The following PTPRD variants were observed in gnomAD, a reference collection of about 807,000 sequenced individuals.
The protein encoded by PTPRD is receptor-type tyrosine-protein phosphatase delta.
Under a neutral mutation model 214.5 loss-of-function variants are expected in PTPRD, and 34 were observed. That is an observed-to-expected ratio of 0.16 (90% CI 0.12 to 0.21). The LOEUF (loss-of-function observed/expected upper bound fraction) is 0.21, where lower values mean the gene tolerates loss of function less well. Among genes scored for constraint, PTPRD ranks in the 10% least tolerant of loss-of-function variants. The pLI, the probability that PTPRD is intolerant of heterozygous loss-of-function variation, is 1.00. For missense variants in PTPRD, 2,545 were observed against 2,398.7 expected, an observed-to-expected ratio of 1.06 and a Z score of -1.27; for synonymous variants, 1,128 against 845.7, an observed-to-expected ratio of 1.33 and a Z score of -5.79.
intron 11 of PTPRD, among the ~76,000 whole-genome samples, chr9:8,781,994 C>A (rs62528837): frequency 2.0e-5 from 3 of 148,468 alleles, no homozygotes; most frequent in African/African-American, 7.4e-5. Context: ...ATTTTTCAAA[C>A]GGACAAAAAC....
chr9:9,527,605 G>A (rs1463271467), intron 8 of PTPRD, among the ~76,000 whole-genome samples: 1 of 152,098 alleles, frequency 6.6e-6, no homozygotes, highest in Non-Finnish European at 1.5e-5. Context: ...TTTTTGTCCA[G>A]CATGATTCTC....
At chr9:8,956,079 C>G (rs1428434730) in intron 11 of PTPRD, among the ~76,000 whole-genome samples, 2 of 151,836 alleles carry the variant, frequency 1.3e-5, no homozygotes, top group Non-Finnish European at 2.9e-5. Context: ...TGGTGGAAAT[C>G]CTATACAAAT....
At chr9:8,770,378 A>G (rs1002136699) in intron 11 of PTPRD, among the ~76,000 whole-genome samples, 2 of 152,162 alleles carry the variant, frequency 1.3e-5, no homozygotes, top group African/African-American at 4.8e-5. Flanking sequence ...CTATTCTAAT[A>G]CAATCAAATA....
At chr9:9,520,552 T>C (rs2096944273) in intron 8 of PTPRD, among the ~76,000 whole-genome samples, 1 of 152,144 alleles carries the variant, frequency 6.6e-6, no homozygotes, top group South Asian at 2.1e-4. Flanking sequence ...CTGTTTAACA[T>C]TTTATGCTCG....
rs1032384402 is a variant in PTPRD, at chr9:8,733,707, G to A, written c.64+73C>T. The A allele has an allele frequency of 6.8e-6, 10 of 1,461,482 alleles. No individual in the cohort carries two copies. The African/African-American group carries it at 9.8e-5, about 14-fold the overall frequency. 90.5% of individuals were successfully genotyped at this position (1,461,482 alleles called of 1,614,324 possible). On this transcript the variant is annotated intron_variant, in intron 12 of 45. Coordinates refer to ENST00000381196, the MANE Select transcript of PTPRD (RefSeq NM_002839.4). The stretch of plus-strand genomic sequence containing the variant: ...CAAAGGAAATGTATTCAGAGGCCCT[G>A]AGCCTGGTGCCAACTGCAAACAAAA...
At chr9:9,536,632 G>C (rs1448046209) in intron 8 of PTPRD, among the ~76,000 whole-genome samples, 1 of 152,032 alleles carries the variant, frequency 6.6e-6, no homozygotes, top group Non-Finnish European at 1.5e-5. Context: ...GAAAGCTTTT[G>C]AAGGTAAGCA....
chr9:10,103,840 G>C (rs1281959536), intron 3 of PTPRD, among the ~76,000 whole-genome samples: 1 of 151,630 alleles, frequency 6.6e-6, no homozygotes, highest in Non-Finnish European at 1.5e-5. Context: ...TAAAAGTGGA[G>C]TTAAAGAATT....
At chr9:8,573,349 G>C (rs576254921) in intron 14 of PTPRD, among the ~76,000 whole-genome samples, 1 of 152,042 alleles carries the variant, frequency 6.6e-6, no homozygotes, top group East Asian at 1.9e-4. Context: ...GAAATGAAAA[G>C]ATAGGCAAAG....
intron 7 of PTPRD, among the ~76,000 whole-genome samples, chr9:9,581,053 AT>A (rs1224592288): frequency 6.6e-6 from 1 of 152,132 alleles, no homozygotes; most frequent in African/African-American, 2.4e-5. Context: ...ATTTTAGTCA[AT>A]TTAGAAAGAA....
chr9:9,232,527 A>T lies in PTPRD; in HGVS notation c.-202-49164T>A, dbSNP rs188831600. On this transcript the variant is annotated intron_variant, in intron 9 of 45. Transcript: ENST00000381196. ...AAAGATCATTGCATGGTAAAATATA[A>T]ACATTTCACTGTTATGAAATTTATT... 4.3e-3 allele frequency among the ~76,000 whole-genome samples: 656 copies of T among 152,286 alleles called. 2 individuals carry two copies. Among genetic ancestry groups the T allele is most frequent in the Middle Eastern group, 0.014 (4 of 294 alleles).
At chr9:10,007,319 C>A (rs1444780681) in intron 4 of PTPRD, among the ~76,000 whole-genome samples, 1 of 151,870 alleles carries the variant, frequency 6.6e-6, no homozygotes, top group Non-Finnish European at 1.5e-5. Flanking sequence ...TTTTAAAATT[C>A]ATTAAAAATG....
intron 2 of PTPRD, among the ~76,000 whole-genome samples, chr9:10,406,065 A>G (rs908062925): frequency 6.6e-6 from 1 of 151,352 alleles, no homozygotes; most frequent in Non-Finnish European, 1.5e-5. Flanking sequence ...GAAATAGAAG[A>G]TATATTCTAA....
Position 9,349,590 on chromosome 9 carries a change from G to GTT in PTPRD, c.-203+47857_-203+47858dup, listed in dbSNP as rs34166604. Among the ~76,000 whole-genome samples the GTT allele has an allele frequency of 9.1e-3, 1,327 of 145,850 alleles. 9 individuals carry two copies. The highest frequency in any genetic ancestry group is 0.019 in the African/African-American group (772 of 39,774). The stretch of plus-strand genomic sequence containing the variant: ...AATTGGATTTTTTTCATTTCTCTAA[G>GTT]TTTTTTTTTTTTTGTATACTAAAGT... On this transcript the variant is annotated intron_variant, in intron 9 of 45. Coordinates refer to ENST00000381196, the MANE Select transcript of PTPRD (RefSeq NM_002839.4).
intron 2 of PTPRD, among the ~76,000 whole-genome samples, chr9:10,344,516 CT>C (rs1273452246): frequency 6.6e-6 from 1 of 152,074 alleles, no homozygotes; most frequent in Non-Finnish European, 1.5e-5. Context: ...AATGTAGGCT[CT>C]TTTTTGGTTT....
intron 5 of PTPRD, among the ~76,000 whole-genome samples, chr9:9,797,915 A>T (rs2099014204): frequency 6.6e-6 from 1 of 152,210 alleles, no homozygotes; most frequent in African/African-American, 2.4e-5. Context: ...TAATAAAGTT[A>T]GAAAATGATG....
Position 8,317,556 on chromosome 9 carries a change from T to C in PTPRD, c.*318A>G, listed in dbSNP as rs1051119591. 3.2e-6 allele frequency: 1 copy of C among 309,920 alleles called. No homozygotes were observed. The highest frequency in any genetic ancestry group is 6.2e-6 in the Non-Finnish European group (1 of 161,114). 19.2% of individuals were successfully genotyped at this position (309,920 alleles called of 1,614,324 possible). A position where few individuals can be genotyped will look rare whatever the true frequency, so the allele number is the denominator to read the frequency against. ...ATTTCTCCTTGCACCTTTCAAGCAATCCTGAATAAGATGGTGGTTCTTTGC... is the reference window on the plus strand; with the variant it reads ...ATTTCTCCTTGCACCTTTCAAGCAACCCTGAATAAGATGGTGGTTCTTTGC... On this transcript the variant is annotated 3_prime_UTR_variant, in exon 46 of 46. Coordinates refer to ENST00000381196, the MANE Select transcript of PTPRD (RefSeq NM_002839.4).
At chr9:10,149,636 G>C (rs1424451061) in intron 3 of PTPRD, among the ~76,000 whole-genome samples, 1 of 152,054 alleles carries the variant, frequency 6.6e-6, no homozygotes, top group African/African-American at 2.4e-5. Flanking sequence ...CATGCAGCCA[G>C]AATGAATAGA....
intron 2 of PTPRD, among the ~76,000 whole-genome samples, chr9:10,589,597 C>T (rs2074895125): frequency 1.3e-5 from 2 of 152,006 alleles, no homozygotes; most frequent in Admixed American, 1.3e-4. Flanking sequence ...GAATGAATTA[C>T]TGTGGTAACA....
At chr9:8,370,378 G>A (rs2081186967) in intron 39 of PTPRD, among the ~76,000 whole-genome samples, 1 of 152,016 alleles carries the variant, frequency 6.6e-6, no homozygotes, top group Non-Finnish European at 1.5e-5. Flanking sequence ...GGGTAAACAG[G>A]CCATGGACTT....
Sources: gnomAD v4.1 joint callset for allele counts (sites outside exome capture counted in the v4.1 genomes callset) on GRCh38, gnomAD v4.1.1 for gene constraint, MANE v1.5 for transcripts, NCBI Gene and HGNC (gene_info 2026-07-23, HGNC 2026-07-21) for gene names.